The following NT5DC1 variants were observed in gnomAD, a reference collection of about 807,000 sequenced individuals.
NT5DC1 encodes the protein 5'-nucleotidase domain containing 1.
NT5DC1 carries 42 observed loss-of-function variants against 59.4 expected under a neutral mutation model. The observed-to-expected ratio is 0.71, with a 90% CI of 0.55 to 0.92. The LOEUF is 0.92. Ranked by LOEUF, NT5DC1 falls within the 40% of genes least tolerant of loss-of-function variation. The pLI is 0.00. For synonymous variants in NT5DC1, 172 were observed against 188.1 expected (o/e 0.91, Z 0.70); for missense variants, 501 against 537.1 (o/e 0.93, Z 0.66).
chr6:116,153,302 G>A (rs1473033655), intron 6 of NT5DC1, among the ~76,000 whole-genome samples: 1 of 150,812 alleles, frequency 6.6e-6, no homozygotes, highest in Non-Finnish European at 1.5e-5. Context: ...TTCACATCAT[G>A]TTCTTACACA....
In NT5DC1 at chr6:116,245,334, A is replaced by G. The variant is rs1582890776; in HGVS notation, c.*1310A>G. The G allele has an allele frequency of 6.6e-6, 1 of 152,668 alleles. No individual in the cohort carries two copies. Among genetic ancestry groups the G allele is most frequent in the Non-Finnish European group, 1.5e-5 (1 of 68,010 alleles). 9.5% of individuals were successfully genotyped at this position (152,668 alleles called of 1,614,324 possible). A position where few individuals can be genotyped will look rare whatever the true frequency, so the allele number is the denominator to read the frequency against. On this transcript the variant is annotated 3_prime_UTR_variant, in exon 12 of 12. Transcript: ENST00000319550. ...GGTTTACAAACACTATCATTATTTT[A>G]CCTGGATTGAAGTGCAGAATTTGGC...
rs769437062 is a variant in NT5DC1, at chr6:116,120,240, C to A, written c.529+2295C>A. On this transcript the variant is annotated intron_variant, in intron 6 of 11. Coordinates refer to ENST00000319550, the MANE Select transcript of NT5DC1 (RefSeq NM_152729.3). ...TCCAGGTAGCCTTTGGTGTATTCAT[C>A]ATAGGTGTACATTACAGGGGTGCCA... The A allele has an allele frequency of 1.9e-6, 3 of 1,614,192 alleles. No homozygotes were observed. The South Asian group carries it at 3.3e-5, about 18-fold the overall frequency.
In NT5DC1 at chr6:116,221,158, G is replaced by A. The variant is rs898001697; in HGVS notation, c.634G>A (p.Gly212Arg). 4.4e-6 allele frequency: 7 copies of A among 1,591,992 alleles called. No homozygotes were observed. In the Admixed American group the frequency reaches 5.0e-5, roughly 11 times the overall value. Residue 212 changes from glycine to arginine, a missense_variant, in exon 7 of 12, where the codon GGG (glycine) becomes AGG (arginine). Physicochemically the swap from Gly to Arg is moderately radical, Grantham distance 125. Transcript: ENST00000319550. ...ATGGCTTCGACAGCTAAAGAATGCT[G>A]GGAAAATTCTTCTGTTAATTACCAG... ...KKWLRQLKNA[G>R]KILLLITSSH... is the part of the protein sequence containing the mutation.
chr6:116,104,077 A>G (rs1174903241), intron 1 of NT5DC1, among the ~76,000 whole-genome samples: 1 of 152,110 alleles, frequency 6.6e-6, no homozygotes, highest in Non-Finnish European at 1.5e-5. Flanking sequence ...AGGTGGTGAT[A>G]GCTAAGGCTG....
At chr6:116,237,978 T>A (rs891219630) in intron 9 of NT5DC1, among the ~76,000 whole-genome samples, 1 of 152,252 alleles carries the variant, frequency 6.6e-6, no homozygotes, top group African/African-American at 2.4e-5. Flanking sequence ...ATGTGTTGTA[T>A]AACTTCTTAA....
intron 6 of NT5DC1, chr6:116,121,017 C>T (rs199891846): frequency 5.0e-6 from 8 of 1,613,970 alleles, no homozygotes; most frequent in Non-Finnish European, 6.8e-6. Flanking sequence ...GCAGGCCCAG[C>T]TGGCCCTGTC....
intron 6 of NT5DC1, among the ~76,000 whole-genome samples, chr6:116,128,930 A>G (rs767371382): frequency 8.5e-5 from 13 of 152,156 alleles, no homozygotes; most frequent in Non-Finnish European, 1.5e-4. Context: ...ACTTTTTTAC[A>G]GAAAACTTGT....
chr6:116,236,966 A>G lies in NT5DC1; in HGVS notation c.803A>G (p.Glu268Gly). The G allele has an allele frequency of 6.3e-7, 1 of 1,576,920 alleles. No homozygotes were observed. Among genetic ancestry groups the G allele is most frequent in the Non-Finnish European group, 8.7e-7 (1 of 1,146,564 alleles). The change falls in exon 9 of 12, where the codon GAG (glutamate) becomes GGG (glycine). Residue 268 changes from glutamate (E) to glycine (G), a missense_variant and splice_region_variant. Transcript: ENST00000319550. The part of the protein sequence containing the change: ...LPSQRPFRTL[E>G]NDEEQEALPS... Reference sequence around the variant, plus strand: ...TATGATTGTCAAACTGTATTTTCAGAGAATGATGAGGAGCAGGAGGCACTG... The same window carrying G: ...TATGATTGTCAAACTGTATTTTCAGGGAATGATGAGGAGCAGGAGGCACTG...
chr6:116,232,645 A>G (rs1202788915), intron 8 of NT5DC1, among the ~76,000 whole-genome samples: 1 of 151,878 alleles, frequency 6.6e-6, no homozygotes, highest in African/African-American at 2.4e-5. Flanking sequence ...GGCCTACAAA[A>G]CTTCTCACAG....
At chr6:116,112,331 T>A (rs1778895206) in intron 4 of NT5DC1, among the ~76,000 whole-genome samples, 1 of 152,184 alleles carries the variant, frequency 6.6e-6, no homozygotes, top group Admixed American at 6.5e-5. Context: ...TGAGTTTTTT[T>A]AAATGTAGAG....
intron 8 of NT5DC1, among the ~76,000 whole-genome samples, chr6:116,234,152 G>A (rs1734499523): frequency 6.6e-6 from 1 of 151,672 alleles, no homozygotes; most frequent in African/African-American, 2.4e-5. Context: ...GGTAGGCACA[G>A]GGTTTCACCA....
chr6:116,203,631 A>T (rs1173817125), intron 6 of NT5DC1, among the ~76,000 whole-genome samples: 1 of 151,932 alleles, frequency 6.6e-6, no homozygotes, highest in Non-Finnish European at 1.5e-5. Flanking sequence ...TACCCTTGGT[A>T]GACGTGAGTT....
At chr6:116,182,558 AT>A (rs2114476917) in intron 6 of NT5DC1, among the ~76,000 whole-genome samples, 1 of 151,452 alleles carries the variant, frequency 6.6e-6, no homozygotes, top group East Asian at 1.9e-4. Context: ...ATTTTTTTTT[AT>A]TTTTTGATTA....
chr6:116,159,461 C>T (rs1354481911), intron 6 of NT5DC1, among the ~76,000 whole-genome samples: 4 of 152,114 alleles, frequency 2.6e-5, no homozygotes, highest in Admixed American at 2.6e-4. Context: ...GTATACCATG[C>T]ATTATAGAAT....
chr6:116,241,022 T>C (rs1167043492), intron 11 of NT5DC1, among the ~76,000 whole-genome samples: 1 of 151,474 alleles, frequency 6.6e-6, no homozygotes, highest in African/African-American at 2.4e-5. Context: ...CAGGTGCCTG[T>C]AATCCCAGCT....
intron 6 of NT5DC1, among the ~76,000 whole-genome samples, chr6:116,153,311 C>T (rs1426124642): frequency 6.8e-6 from 1 of 147,700 alleles, no homozygotes; most frequent in Non-Finnish European, 1.5e-5. Flanking sequence ...TGTTCTTACA[C>T]AGACTGCCCA....
At chr6:116,151,444 C>T (rs1780035731) in intron 6 of NT5DC1, among the ~76,000 whole-genome samples, 1 of 152,112 alleles carries the variant, frequency 6.6e-6, no homozygotes, top group Admixed American at 6.5e-5. Flanking sequence ...AGTTAAAGGG[C>T]ATTTATAGAG....
At chr6:116,138,572 G>A (rs577202762) in intron 6 of NT5DC1, among the ~76,000 whole-genome samples, 1 of 151,874 alleles carries the variant, frequency 6.6e-6, no homozygotes, top group African/African-American at 2.4e-5. Context: ...TGCGAATGTC[G>A]ATATATTTGT....
At chr6:116,133,161 C>T (rs769417991) in intron 6 of NT5DC1, among the ~76,000 whole-genome samples, 31 of 152,142 alleles carry the variant, frequency 2.0e-4, no homozygotes, top group Admixed American at 9.8e-4. Flanking sequence ...TGCTTAATGA[C>T]ATCACCTGCT....
Sources: allele counts gnomAD v4.1 joint callset (sites outside exome capture counted in the v4.1 genomes callset), GRCh38; gene constraint gnomAD v4.1.1; transcripts MANE v1.5; gene names NCBI Gene and HGNC (gene_info 2026-07-23, HGNC 2026-07-21).